Variants in ESR1 observed in about 807,000 individuals in gnomAD.
The protein encoded by ESR1 is estrogen receptor 1.
ESR1 carries 12 observed loss-of-function variants against 52.7 expected under a neutral mutation model. That is an observed-to-expected ratio of 0.23 (90% CI 0.15 to 0.37). The LOEUF (loss-of-function observed/expected upper bound fraction) is 0.37. Among genes scored for constraint, ESR1 ranks in the 10% least tolerant of loss-of-function variants. ESR1 has a pLI of 1.00. For missense variants in ESR1, 584 were observed against 779.7 expected, an observed-to-expected ratio of 0.75 and a Z score of 2.99; for synonymous variants, 305 against 316.8, an observed-to-expected ratio of 0.96 and a Z score of 0.39.
At chr6:151,788,397 A>G (rs946468743) in intron 2 of ESR1, among the ~76,000 whole-genome samples, 3 of 152,248 alleles carry the variant, frequency 2.0e-5, no homozygotes, top group African/African-American at 4.8e-5. Flanking sequence ...CAAAACCACA[A>G]TGAGATACCA....
At chr6:152,036,406 G>T (rs539114816) in intron 5 of ESR1, among the ~76,000 whole-genome samples, 2 of 152,102 alleles carry the variant, frequency 1.3e-5, no homozygotes, top group African/African-American at 4.8e-5. Flanking sequence ...CAAAACACAG[G>T]TTGCTGGAAA....
rs1196806144 is a variant in ESR1 at position 151,957,242 on chromosome 6, G to GTT, written c.1096+12735_1096+12736insTT. Among the ~76,000 whole-genome samples, 8 of 152,134 alleles carry GTT rather than the reference G, an allele frequency of 5.3e-5. No homozygotes were observed. The South Asian group carries it at 1.0e-3, about 20-fold the overall frequency. On this transcript the variant is annotated intron_variant, in intron 4 of 7. Coordinates refer to ENST00000206249, the MANE Select transcript of ESR1 (RefSeq NM_000125.4). Reference sequence around the variant, plus strand: ...TGCCATTGGGCGACCCAGTCCCCTAGTAAGTGTTCAAAAATATTCGCTATT... The same window carrying GTT: ...TGCCATTGGGCGACCCAGTCCCCTAGTTTAAGTGTTCAAAAATATTCGCTATT...
intron 6 of ESR1, among the ~76,000 whole-genome samples, chr6:152,070,367 A>C (rs1183646017): frequency 7.3e-6 from 1 of 137,534 alleles, no homozygotes; most frequent in Non-Finnish European, 1.5e-5. Flanking sequence ...TAAAACTTGA[A>C]CTGAAGAAAA....
At chr6:151,966,386 G>A (rs1167642646) in intron 4 of ESR1, among the ~76,000 whole-genome samples, 1 of 151,902 alleles carries the variant, frequency 6.6e-6, no homozygotes, top group Non-Finnish European at 1.5e-5. Context: ...AATCCTGTAG[G>A]TCCTCAATAG....
intron 2 of ESR1, among the ~76,000 whole-genome samples, chr6:151,727,290 C>T (rs1372397293): frequency 8.6e-5 from 13 of 151,968 alleles, no homozygotes; most frequent in Non-Finnish European, 1.0e-4. Context: ...TAACCTTCAC[C>T]TCCTGGGTCC....
chr6:152,099,044 T>C lies in ESR1; in HGVS notation c.*78T>C, dbSNP rs2050863690. The C allele has an allele frequency of 1.9e-5, 23 of 1,180,438 alleles. No homozygotes were observed. In the South Asian group the frequency reaches 2.8e-4, roughly 14 times the overall value. 73.1% of individuals were successfully genotyped at this position (1,180,438 alleles called of 1,614,324 possible). A position where few individuals can be genotyped will look rare whatever the true frequency, so the allele number is the denominator to read the frequency against. On this transcript the variant is annotated 3_prime_UTR_variant, in exon 8 of 8. Coordinates refer to ENST00000206249, the MANE Select transcript of ESR1 (RefSeq NM_000125.4). ...ATCATGCACCACTTTAGCCAAATTC[T>C]GTCTCCTGCATACACTCCGGCATGC...
At chr6:151,985,422 C>A (rs2040363978) in intron 4 of ESR1, among the ~76,000 whole-genome samples, 1 of 135,710 alleles carries the variant, frequency 7.4e-6, no homozygotes. Flanking sequence ...GCAGGAGAAT[C>A]ACTTGAACCC....
chr6:152,122,270 C>A, intron 6 of ESR1: 2 of 1,043,206 alleles, frequency 1.9e-6, no homozygotes, highest in African/African-American at 3.1e-5. Context: ...TGTTTATCTT[C>A]CACCTCTGAA....
At chr6:151,676,576 C>G (rs1345239200) in intron 1 of ESR1, among the ~76,000 whole-genome samples, 2 of 152,204 alleles carry the variant, frequency 1.3e-5, no homozygotes, top group East Asian at 1.9e-4. Context: ...AAATATCATG[C>G]TCTCCCTGTG....
intron 4 of ESR1, among the ~76,000 whole-genome samples, chr6:152,006,378 A>G (rs1435988923): frequency 6.6e-6 from 1 of 151,966 alleles, no homozygotes; most frequent in Non-Finnish European, 1.5e-5. Context: ...GAGAGTCCAA[A>G]CATTTTTTTT....
At position 152,090,837 on chromosome 6, in the gene ESR1, G is replaced by A. The variant is rs147041280; in HGVS notation, c.1370-3548G>A. On this transcript the variant is annotated intron_variant, in intron 6 of 7. Coordinates refer to ENST00000206249, the MANE Select transcript of ESR1 (RefSeq NM_000125.4). Reference sequence around the variant, plus strand: ...GTCCTCGTGGCTTCACTCCCCTTTCGTTTGTACCACTCCGTTTCCCCAGAC... The same window carrying A: ...GTCCTCGTGGCTTCACTCCCCTTTCATTTGTACCACTCCGTTTCCCCAGAC... 3.5e-3 allele frequency among the ~76,000 whole-genome samples: 530 copies of A among 152,218 alleles called. 4 individuals are homozygous for A. Among genetic ancestry groups the A allele is most frequent in the African/African-American group, 0.012 (495 of 41,544 alleles).
At chr6:151,711,618 G>C (rs1322947220) in intron 2 of ESR1, among the ~76,000 whole-genome samples, 1 of 152,138 alleles carries the variant, frequency 6.6e-6, no homozygotes, top group African/African-American at 2.4e-5. Flanking sequence ...GTGATGATGA[G>C]CTTTTTTTCA....
chr6:152,081,675 A>G (rs149986100), intron 6 of ESR1, among the ~76,000 whole-genome samples: 7,843 of 152,006 alleles, frequency 0.052, 264 homozygotes, highest in Middle Eastern at 0.1. Context: ...CAAAAAATCA[A>G]TGAATCCAGG....
At chr6:151,866,875 G>T (rs954497836) in intron 2 of ESR1, among the ~76,000 whole-genome samples, 1 of 151,912 alleles carries the variant, frequency 6.6e-6, no homozygotes, top group Non-Finnish European at 1.5e-5. Flanking sequence ...ATACTAGAAG[G>T]CTACAGTAAC....
upstream of ESR1, among the ~76,000 whole-genome samples, chr6:151,802,564 A>C (rs1305731613): frequency 6.6e-6 from 1 of 152,246 alleles, no homozygotes; most frequent in Non-Finnish European, 1.5e-5. Context: ...CTTGCGAACT[A>C]AAAATTCAGA....
chr6:152,104,415 TAGTC>T (rs1407729058), downstream of ESR1, among the ~76,000 whole-genome samples: 1 of 152,198 alleles, frequency 6.6e-6, no homozygotes, highest in African/African-American at 2.4e-5. Flanking sequence ...GTACCACACA[TAGTC>T]AGCACTCAAT....
chr6:152,107,640 C>G (rs2051082311), downstream of ESR1, among the ~76,000 whole-genome samples: 1 of 152,120 alleles, frequency 6.6e-6, no homozygotes, highest in South Asian at 2.1e-4. Flanking sequence ...TGATTGTGGG[C>G]CACATTTTCC....
chr6:151,841,754 G>A (rs1313884603), intron 1 of ESR1, among the ~76,000 whole-genome samples: 6 of 150,280 alleles, frequency 4.0e-5, no homozygotes, highest in Admixed American at 6.6e-5. Context: ...TGATTTTCAC[G>A]CAGTCTGGAG....
intron 3 of ESR1, among the ~76,000 whole-genome samples, chr6:151,918,494 G>A (rs1213039079): frequency 1.3e-5 from 2 of 152,208 alleles, no homozygotes; most frequent in Non-Finnish European, 2.9e-5. Flanking sequence ...ACTTGCCAGT[G>A]TATTTGAATT....
Sources: gnomAD v4.1 joint callset for allele counts (sites outside exome capture counted in the v4.1 genomes callset) on GRCh38, gnomAD v4.1.1 for gene constraint, MANE v1.5 for transcripts, NCBI Gene and HGNC (gene_info 2026-07-23, HGNC 2026-07-21) for gene names.